PRDM16: variants seen among roughly 807,000 people sequenced by gnomAD.
PRDM16 encodes PR/SET domain 16, also known as histone-lysine N-methyltransferase PRDM16.
A neutral mutation model predicts 110.6 loss-of-function variants in PRDM16; 23 were observed. The ratio of observed to expected loss-of-function variants is 0.21; its 90% CI spans 0.15 to 0.29. The LOEUF (loss-of-function observed/expected upper bound fraction) is 0.29, where lower values mean the gene tolerates loss of function less well. Among genes scored for constraint, PRDM16 ranks in the 10% least tolerant of loss-of-function variants. The pLI is 1.00. For synonymous variants in PRDM16, 799 were observed against 781.8 expected, an observed-to-expected ratio of 1.02 and a Z score of -0.37; for missense variants, 1,615 against 1,794.3, an observed-to-expected ratio of 0.90 and a Z score of 1.81.
chr1:3,408,329 C>A (rs574894716), intron 8 of PRDM16, among the ~76,000 whole-genome samples: 1 of 152,110 alleles, frequency 6.6e-6, no homozygotes, highest in Non-Finnish European at 1.5e-5. Context: ...TGTGTACAAA[C>A]GTGTGTGTGC....
At position 3,385,066 on chromosome 1, in the gene PRDM16, A is replaced by C; in HGVS notation, c.439-86A>C. 1.1e-5 allele frequency: 17 copies of C among 1,543,112 alleles called. No homozygotes were observed. The South Asian group carries it at 2.0e-4, about 18-fold the overall frequency. ...CTTGCCTTCCTACTTGAGCCCAAAC[A>C]GCCAGGTTTCTGGGTGGGCAGAGGC... On this transcript the variant is annotated intron_variant, in intron 3 of 16. Transcript: ENST00000270722.
At chr1:3,332,513 T>A (rs1235357983) in intron 3 of PRDM16, among the ~76,000 whole-genome samples, 1 of 152,090 alleles carries the variant, frequency 6.6e-6, no homozygotes, top group African/African-American at 2.4e-5. Flanking sequence ...TGGGCTGTTG[T>A]TTTTTTCCAT....
intron 1 of PRDM16, among the ~76,000 whole-genome samples, chr1:3,153,238 T>G (rs932625119): frequency 6.6e-6 from 1 of 151,588 alleles, no homozygotes; most frequent in Non-Finnish European, 1.5e-5. Flanking sequence ...AGCTCTGGAG[T>G]GGTGAGCTCT....
At chr1:3,433,280 T>C (rs940495692) in intron 16 of PRDM16, among the ~76,000 whole-genome samples, 12 of 152,254 alleles carry the variant, frequency 7.9e-5, no homozygotes, top group Non-Finnish European at 1.5e-4. Flanking sequence ...CGCCTGCTCA[T>C]GTCTTCCTCT....
At chr1:3,406,534 A>T (rs1643565464) in intron 8 of PRDM16, among the ~76,000 whole-genome samples, 1 of 152,040 alleles carries the variant, frequency 6.6e-6, no homozygotes, top group African/African-American at 2.4e-5. Context: ...GTTCAAGACC[A>T]GCCTGAGCAA....
chr1:3,386,946 G>C (rs2100609734), intron 4 of PRDM16: 1 of 152,262 alleles, frequency 6.6e-6, no homozygotes, highest in East Asian at 1.9e-4. Context: ...GTATCTTTAT[G>C]TGTCTAGCTT....
intron 1 of PRDM16, among the ~76,000 whole-genome samples, chr1:3,124,680 G>A (rs1384032596): frequency 6.6e-6 from 1 of 152,226 alleles, no homozygotes; most frequent in Non-Finnish European, 1.5e-5. Context: ...GAGGGCCGGG[G>A]GTCAGGTGTA....
At chr1:3,334,430 A>G (rs1642104284) in intron 3 of PRDM16, among the ~76,000 whole-genome samples, 1 of 147,154 alleles carries the variant, frequency 6.8e-6, no homozygotes, top group Non-Finnish European at 1.5e-5. Context: ...AGAGAGCCCC[A>G]GATGTCACTA....
At chr1:3,096,500 T>C (rs1422096837) in intron 1 of PRDM16, among the ~76,000 whole-genome samples, 5 of 152,156 alleles carry the variant, frequency 3.3e-5, no homozygotes, top group Non-Finnish European at 5.9e-5. Flanking sequence ...ATCCACACCT[T>C]GTGGCTGATG....
At chr1:3,083,145 G>A (rs1237375239) in intron 1 of PRDM16, among the ~76,000 whole-genome samples, 4 of 152,196 alleles carry the variant, frequency 2.6e-5, no homozygotes, top group Non-Finnish European at 5.9e-5. Context: ...GAGCAGAGCC[G>A]GGCAGGCTCC....
intron 12 of PRDM16, chr1:3,424,837 C>A (rs144318373): frequency 6.6e-6 from 1 of 152,382 alleles, no homozygotes; most frequent in African/African-American, 2.4e-5. Flanking sequence ...GGCTGGGAAA[C>A]TGGCCTTGCC....
chr1:3,095,323 A>ACAAG (rs1557442056), intron 1 of PRDM16, among the ~76,000 whole-genome samples: 9 of 151,356 alleles, frequency 5.9e-5, no homozygotes, highest in African/African-American at 2.2e-4. Context: ...AAAGTGGAGT[A>ACAAG]GCAAACAACT....
chr1:3,172,828 T>C (rs1370912715), intron 1 of PRDM16, among the ~76,000 whole-genome samples: 1 of 152,118 alleles, frequency 6.6e-6, no homozygotes, highest in African/African-American at 2.4e-5. Flanking sequence ...ACTTTCTCTC[T>C]GGGGAGATGC....
At chr1:3,302,583 G>A (rs2100393306) in intron 3 of PRDM16, among the ~76,000 whole-genome samples, 1 of 152,130 alleles carries the variant, frequency 6.6e-6, no homozygotes, top group Admixed American at 6.5e-5. Flanking sequence ...ATACATTGTC[G>A]AGCCATCCTC....
rs760878016 is a variant in PRDM16, at chr1:3,437,963, C to T, written c.*4152C>T. 29 of 220,204 alleles carry T rather than the reference C, an allele frequency of 1.3e-4. No individual in the cohort carries two copies. Among genetic ancestry groups the T allele is most frequent in the Non-Finnish European group, 2.1e-4 (23 of 109,826 alleles). 13.6% of individuals were successfully genotyped at this position (220,204 alleles called of 1,614,324 possible). On this transcript the variant is annotated 3_prime_UTR_variant, in exon 17 of 17. Transcript: ENST00000270722. ...CCTTAAGGTCGATATAAAGAATCCT[C>T]GCAGAATCACAGACCTGTGCCGCCC...
intron 3 of PRDM16, among the ~76,000 whole-genome samples, chr1:3,275,113 C>T (rs1342444163): frequency 6.6e-6 from 1 of 152,240 alleles, no homozygotes; most frequent in African/African-American, 2.4e-5. Flanking sequence ...GTGAAATGTG[C>T]CGCCAGGCAC....
chr1:3,078,325 G>T (rs956421096), intron 1 of PRDM16, among the ~76,000 whole-genome samples: 4 of 152,204 alleles, frequency 2.6e-5, no homozygotes, highest in Non-Finnish European at 4.4e-5. Context: ...GCTGCCTCCC[G>T]CTGTGGCGAG....
In PRDM16 at chr1:3,390,517, G is replaced by A. The variant is rs534622714; in HGVS notation, c.573+5231G>A. On this transcript the variant is annotated intron_variant, in intron 4 of 16. Coordinates refer to ENST00000270722, the MANE Select transcript of PRDM16 (RefSeq NM_022114.4). The surrounding 1 kb of genome is among the most constrained non-coding windows in gnomAD (Gnocchi z 5.0). Reference sequence around the variant, plus strand: ...CAGAGCAGGGGTCCCGGCGCCCGCCGTGGAGCAGCACAGCCCCTCCACAGA... The same window carrying A: ...CAGAGCAGGGGTCCCGGCGCCCGCCATGGAGCAGCACAGCCCCTCCACAGA... Among the ~76,000 whole-genome samples the A allele has an allele frequency of 1.1e-4, 17 of 152,336 alleles. No homozygotes were observed. The highest frequency in any genetic ancestry group is 2.9e-4 in the African/African-American group (12 of 41,578).
intron 1 of PRDM16, among the ~76,000 whole-genome samples, chr1:3,113,561 C>G (rs934428747): frequency 3.9e-5 from 6 of 152,168 alleles, no homozygotes; most frequent in Non-Finnish European, 8.8e-5. Context: ...CGGGAGGGGC[C>G]TGCGTCCATG....
Sources: allele counts gnomAD v4.1 joint callset (sites outside exome capture counted in the v4.1 genomes callset), GRCh38; gene constraint gnomAD v4.1.1; non-coding constraint Gnocchi (gnomAD v3.1); transcripts MANE v1.5; gene names NCBI Gene and HGNC (gene_info 2026-07-23, HGNC 2026-07-21).